The following GPHN variants were observed in gnomAD, a reference collection of about 807,000 sequenced individuals.
GPHN encodes the protein gephyrin.
Under a neutral mutation model 95.5 loss-of-function variants are expected in GPHN, and 17 were observed. The ratio of observed to expected loss-of-function variants is 0.18; its 90% confidence interval spans 0.12 to 0.27. GPHN has a LOEUF of 0.27. Ranked by LOEUF, GPHN falls within the 10% of genes least tolerant of loss-of-function variation. The pLI is 1.00. For synonymous variants in GPHN, 320 were observed against 322.5 expected, an observed-to-expected ratio of 0.99 and a Z score of 0.08; for missense variants, 660 against 978.1, an observed-to-expected ratio of 0.67 and a Z score of 4.34.
chr14:67,530,480 T>C, the GPHN span, among the ~76,000 whole-genome samples: 1 of 152,208 alleles, frequency 6.6e-6, no homozygotes, highest in Admixed American at 6.5e-5. Context: ...GAATTTATTT[T>C]TTAAACATTC....
the GPHN span, among the ~76,000 whole-genome samples, chr14:67,485,803 AC>A: frequency 6.6e-6 from 1 of 152,174 alleles, no homozygotes; most frequent in African/African-American, 2.4e-5. Flanking sequence ...GGAGCCTCTC[AC>A]CCTACCTCGA....
At chr14:67,518,986 T>C in the GPHN span, among the ~76,000 whole-genome samples, 63,501 of 152,054 alleles carry the variant, frequency 0.42, 13,849 homozygotes, top group East Asian at 0.48. Context: ...GCATTGAAGT[T>C]GAAGCCAATC....
intron 2 of GPHN, among the ~76,000 whole-genome samples, chr14:66,686,108 C>T (rs892192267): frequency 4.6e-5 from 7 of 152,122 alleles, no homozygotes; most frequent in Non-Finnish European, 8.8e-5. Context: ...TGGTCTATAT[C>T]TCTGTTTTGA....
At chr14:66,520,659 A>C (rs1427772906) in intron 1 of GPHN, among the ~76,000 whole-genome samples, 1 of 151,540 alleles carries the variant, frequency 6.6e-6, no homozygotes, top group Middle Eastern at 3.4e-3. Flanking sequence ...TAATAGTTTC[A>C]TGTTTCCCCT....
At chr14:67,537,132 C>A in the GPHN span, among the ~76,000 whole-genome samples, 1 of 146,456 alleles carries the variant, frequency 6.8e-6, no homozygotes, top group Non-Finnish European at 1.5e-5. Context: ...ATCACTTGAG[C>A]CCAGGAGTTC....
At chr14:66,750,371 A>G (rs962126658) in intron 2 of GPHN, among the ~76,000 whole-genome samples, 2 of 151,918 alleles carry the variant, frequency 1.3e-5, no homozygotes, top group Non-Finnish European at 2.9e-5. Flanking sequence ...CTGCAAGGAC[A>G]TATCACTACT....
the GPHN span, chr14:67,656,428 A>C: frequency 6.2e-7 from 1 of 1,610,556 alleles, no homozygotes; most frequent in Non-Finnish European, 8.5e-7. Flanking sequence ...TACTCTTGGT[A>C]CGTTCTAACT....
chr14:67,575,794 TC>T, the GPHN span: 2 of 1,584,912 alleles, frequency 1.3e-6, no homozygotes, highest in African/African-American at 1.3e-5. Context: ...CCACTGGCTC[TC>T]CCATTCATGG....
At chr14:66,704,725 C>T (rs1460723690) in intron 2 of GPHN, among the ~76,000 whole-genome samples, 5 of 151,950 alleles carry the variant, frequency 3.3e-5, no homozygotes, top group Non-Finnish European at 7.4e-5. Flanking sequence ...AATCTCAGAT[C>T]GACACCCTAT....
chr14:66,981,623 T>C (rs2070684496), intron 9 of GPHN, among the ~76,000 whole-genome samples: 1 of 152,160 alleles, frequency 6.6e-6, no homozygotes, highest in Non-Finnish European at 1.5e-5. Context: ...AGCCATGATA[T>C]GGTATAATAA....
the GPHN span, among the ~76,000 whole-genome samples, chr14:67,659,530 T>A: frequency 6.6e-6 from 1 of 151,544 alleles, no homozygotes; most frequent in Non-Finnish European, 1.5e-5. Flanking sequence ...TAAATATGCA[T>A]ATAGTTCGAA....
At chr14:67,302,018 TA>T in the GPHN span, 4 of 1,610,518 alleles carry the variant, frequency 2.5e-6, no homozygotes, top group Non-Finnish European at 3.4e-6. Flanking sequence ...GAAATGCAGC[TA>T]GAGCCCATTA....
chr14:67,507,688 A>G, the GPHN span, among the ~76,000 whole-genome samples: 6 of 152,154 alleles, frequency 3.9e-5, no homozygotes, highest in African/African-American at 1.4e-4. Flanking sequence ...TCCTGTTTCC[A>G]TCTCCCAAAG....
At chr14:66,579,033 T>C (rs1269526112) in intron 1 of GPHN, among the ~76,000 whole-genome samples, 2 of 151,862 alleles carry the variant, frequency 1.3e-5, no homozygotes, top group Non-Finnish European at 3.0e-5. Context: ...TTAAGTGATA[T>C]ACAATATATA....
At chr14:67,351,853 G>A in the GPHN span, among the ~76,000 whole-genome samples, 3 of 143,778 alleles carry the variant, frequency 2.1e-5, no homozygotes, top group Non-Finnish European at 3.0e-5. Flanking sequence ...AAGAAAAGGC[G>A]TGGAAAAAAT....
intron 1 of GPHN, among the ~76,000 whole-genome samples, chr14:66,584,748 A>C (rs930187997): frequency 4.6e-5 from 7 of 152,094 alleles, no homozygotes; most frequent in Non-Finnish European, 8.8e-5. Flanking sequence ...CCACTTGATC[A>C]TGGTGGATAA....
chr14:66,938,431 G>A (rs2067238494), intron 8 of GPHN, among the ~76,000 whole-genome samples: 1 of 152,106 alleles, frequency 6.6e-6, no homozygotes, highest in Admixed American at 6.6e-5. Flanking sequence ...AATAGGAAAA[G>A]AAATTTCCTT....
chr14:67,327,456 G>T, the GPHN span, among the ~76,000 whole-genome samples: 1 of 151,390 alleles, frequency 6.6e-6, no homozygotes, highest in Non-Finnish European at 1.5e-5. Flanking sequence ...TCCGGGGTGT[G>T]GGGGGAAGGT....
chr14:66,736,515 C>T (rs2072294727), intron 2 of GPHN, among the ~76,000 whole-genome samples: 1 of 151,334 alleles, frequency 6.6e-6, no homozygotes, highest in Non-Finnish European at 1.5e-5. Context: ...TCTCCTGCCT[C>T]AGCCTCCTGA....
Sources: allele counts gnomAD v4.1 joint callset (sites outside exome capture counted in the v4.1 genomes callset), GRCh38; gene constraint gnomAD v4.1.1; transcripts MANE v1.5; gene names NCBI Gene and HGNC (gene_info 2026-07-23, HGNC 2026-07-21).